BCAS3: variants seen among roughly 807,000 people sequenced by gnomAD.
The protein encoded by BCAS3 is BCAS3 microtubule associated cell migration factor.
Under a neutral mutation model 116.1 loss-of-function variants are expected in BCAS3, and 53 were observed. That is an observed-to-expected ratio of 0.46 (90% CI 0.37 to 0.57). The LOEUF (loss-of-function observed/expected upper bound fraction) is 0.57. Among genes scored for constraint, BCAS3 ranks in the 20% least tolerant of loss-of-function variants. The pLI is 0.00. For synonymous variants in BCAS3, 391 were observed against 408.2 expected, an observed-to-expected ratio of 0.96 and a Z score of 0.51; for missense variants, 917 against 1,165.4, an observed-to-expected ratio of 0.79 and a Z score of 3.10.
intron 19 of BCAS3, among the ~76,000 whole-genome samples, chr17:61,059,922 AAGG>A (rs2069810014): frequency 6.6e-6 from 1 of 151,804 alleles, no homozygotes; most frequent in South Asian, 2.1e-4. Context: ...GCCACTCGGG[AAGG>A]CTGAGGCAGG....
At chr17:60,973,569 G>T (rs2062095757) in intron 14 of BCAS3, among the ~76,000 whole-genome samples, 1 of 143,158 alleles carries the variant, frequency 7.0e-6, no homozygotes, top group African/African-American at 2.9e-5. Context: ...CCTAGACATT[G>T]CTATTACCTT....
chr17:61,391,803 C>T lies in BCAS3; in HGVS notation c.2594-174C>T, dbSNP rs566455628. On this transcript the variant is annotated intron_variant, in intron 23 of 23. Transcript: ENST00000407086. This position sits in a 1 kb window ranked among gnomAD's most constrained non-coding sequence, Gnocchi z 7.7. ...GGGGCTTTCCCTCCCCTGGCTGAGCCTTCCTGTGACCTGAGCTGCCCCCTG... is the reference window on the plus strand; with the variant it reads ...GGGGCTTTCCCTCCCCTGGCTGAGCTTTCCTGTGACCTGAGCTGCCCCCTG... The T allele has an allele frequency of 1.5e-6, 1 of 679,016 alleles. No individual in the cohort carries two copies. The highest frequency in any genetic ancestry group is 1.9e-5 in the South Asian group (1 of 53,940). 42.1% of individuals were successfully genotyped at this position (679,016 alleles called of 1,614,324 possible).
At chr17:60,889,562 G>A (rs868739970) in intron 9 of BCAS3, 133 bp from the exon 10 acceptor site, 1 of 713,244 alleles carries the variant, frequency 1.4e-6, no homozygotes, top group African/African-American at 1.8e-5. Flanking sequence ...AATGACTAGT[G>A]TTACAGGAAT....
intron 19 of BCAS3, among the ~76,000 whole-genome samples, chr17:61,046,000 T>A (rs1330101471): frequency 3.9e-4 from 4 of 10,294 alleles, no homozygotes; most frequent in African/African-American, 1.1e-3. Context: ...TATATATATA[T>A]AATATATATA....
intron 22 of BCAS3, among the ~76,000 whole-genome samples, chr17:61,257,413 T>G (rs1485053383): frequency 1.0e-5 from 1 of 99,246 alleles, no homozygotes; most frequent in Non-Finnish European, 1.8e-5. Flanking sequence ...AGAGCGAGAC[T>G]CCATCTCAAA....
At chr17:61,055,044 C>T (rs1895252236) in intron 19 of BCAS3, among the ~76,000 whole-genome samples, 1 of 152,148 alleles carries the variant, frequency 6.6e-6, no homozygotes, top group Admixed American at 6.5e-5. Flanking sequence ...TGATATCCCT[C>T]AATGTGTGGT....
intron 14 of BCAS3, among the ~76,000 whole-genome samples, chr17:60,954,633 T>C (rs983577183): frequency 6.6e-6 from 1 of 152,188 alleles, no homozygotes; most frequent in African/African-American, 2.4e-5. Flanking sequence ...CACAGTGTCT[T>C]TTCTTCTAAT....
chr17:61,332,863 G>A lies in BCAS3; in HGVS notation c.2426-35464G>A, dbSNP rs771061995. The stretch of plus-strand genomic sequence containing the variant: ...ACTCCTGACCTCAGGTGATCTGCCC[G>A]CCTTGGCCTCCCAAAGTGCTGGGAT... On this transcript the variant is annotated intron_variant, in intron 22 of 23. Transcript: ENST00000407086. This position sits in a 1 kb window ranked among gnomAD's most constrained non-coding sequence, Gnocchi z 5.4. Among the ~76,000 whole-genome samples, 12 of 152,274 alleles carry A rather than the reference G, an allele frequency of 7.9e-5. No individual in the cohort carries two copies. Among genetic ancestry groups the A allele is most frequent in the African/African-American group, 1.2e-4 (5 of 41,558 alleles).
intron 4 of BCAS3, among the ~76,000 whole-genome samples, chr17:60,708,355 A>G (rs2037440008): frequency 6.8e-6 from 1 of 146,410 alleles, no homozygotes; most frequent in South Asian, 2.4e-4. Context: ...TTTGTGGAGA[A>G]TTGATGTTAT....
chr17:61,373,956 C>T (rs1603149262), intron 23 of BCAS3, among the ~76,000 whole-genome samples: 3 of 147,236 alleles, frequency 2.0e-5, no homozygotes, highest in Admixed American at 6.9e-5. Flanking sequence ...ACTAGGACTA[C>T]AGGCGTGCGC....
intron 6 of BCAS3, among the ~76,000 whole-genome samples, chr17:60,786,444 C>T (rs536992369): frequency 6.6e-6 from 1 of 151,944 alleles, no homozygotes; most frequent in African/African-American, 2.4e-5. Flanking sequence ...ATCGCTTGAG[C>T]CTGGGAGGTT....
rs2057635137 is a variant in BCAS3, at chr17:61,348,431, A to G, written c.2426-19896A>G. Among the ~76,000 whole-genome samples, 1 of 152,190 alleles carries G rather than the reference A, an allele frequency of 6.6e-6. No individual in the cohort carries two copies. On this transcript the variant is annotated intron_variant, in intron 22 of 23. Coordinates refer to ENST00000407086, the MANE Select transcript of BCAS3 (RefSeq NM_017679.5). This position sits in a 1 kb window ranked among gnomAD's most constrained non-coding sequence, Gnocchi z 4.5. The stretch of plus-strand genomic sequence containing the variant: ...AGGTGCAGTTTTGGAAGTCAGTAGC[A>G]TATAGGTAGTACTGGGTATTTGTAA...
intron 13 of BCAS3, among the ~76,000 whole-genome samples, chr17:60,941,870 G>A (rs896231977): frequency 6.6e-6 from 1 of 152,158 alleles, no homozygotes; most frequent in African/African-American, 2.4e-5. Flanking sequence ...ACATAAAATG[G>A]TATGATTTAA....
chr17:61,236,506 G>A (rs538598119), intron 22 of BCAS3, among the ~76,000 whole-genome samples: 1 of 152,080 alleles, frequency 6.6e-6, no homozygotes, highest in African/African-American at 2.4e-5. Flanking sequence ...ATTTTTAGTA[G>A]AGACGGGGTT....
Position 61,023,996 on chromosome 17 carries a change from T to G in BCAS3, c.1637+8095T>G, listed in dbSNP as rs530631910. 1.3e-4 allele frequency among the ~76,000 whole-genome samples: 20 copies of G among 152,176 alleles called. No individual in the cohort carries two copies. Among genetic ancestry groups the G allele is most frequent in the Non-Finnish European group, 2.1e-4 (14 of 68,000 alleles). ...CTCTGTTAATACAGAGAATATTTCA[T>G]TCAGTATACACTCCCACTCACATCA... is the stretch of plus-strand genomic sequence containing the variant. On this transcript the variant is annotated intron_variant, in intron 16 of 23. Coordinates refer to ENST00000407086, the MANE Select transcript of BCAS3 (RefSeq NM_017679.5). This position sits in a 1 kb window ranked among gnomAD's most constrained non-coding sequence, Gnocchi z 4.8.
intron 7 of BCAS3, among the ~76,000 whole-genome samples, chr17:60,825,824 G>A (rs1325267969): frequency 6.7e-6 from 1 of 149,990 alleles, no homozygotes; most frequent in Non-Finnish European, 1.5e-5. Flanking sequence ...CCTCCTAAAG[G>A]CCCCACTTCT....
chr17:61,064,231 A>G (rs1057401607), intron 19 of BCAS3, among the ~76,000 whole-genome samples: 5 of 152,134 alleles, frequency 3.3e-5, no homozygotes, highest in African/African-American at 9.7e-5. Flanking sequence ...CAGGAATTCT[A>G]GGCTATAGTG....
At chr17:61,288,916 T>C (rs1252133047) in intron 22 of BCAS3, among the ~76,000 whole-genome samples, 5 of 152,184 alleles carry the variant, frequency 3.3e-5, no homozygotes, top group South Asian at 2.1e-4. Flanking sequence ...AGGACAGGGG[T>C]GGAGCATGAA....
intron 7 of BCAS3, among the ~76,000 whole-genome samples, chr17:60,826,545 A>G (rs2144704597): frequency 6.6e-6 from 1 of 152,308 alleles, no homozygotes; most frequent in African/African-American, 2.4e-5. Context: ...TAAGGTAAAA[A>G]AGAAGAAAAT....
Sources: allele counts gnomAD v4.1 joint callset (sites outside exome capture counted in the v4.1 genomes callset), GRCh38; gene constraint gnomAD v4.1.1; non-coding constraint Gnocchi (gnomAD v3.1); transcripts MANE v1.5; gene names NCBI Gene and HGNC (gene_info 2026-07-23, HGNC 2026-07-21).